SLC39A11: variants seen among roughly 807,000 people sequenced by gnomAD.
The protein encoded by SLC39A11 is zinc transporter ZIP11.
Under a neutral mutation model 36.1 loss-of-function variants are expected in SLC39A11, and 33 were observed. That is an observed-to-expected ratio of 0.91 (90% CI 0.69 to 1.22). The LOEUF (loss-of-function observed/expected upper bound fraction) is 1.22. SLC39A11 is among the 50% of genes most tolerant of loss of function. The pLI, the probability that SLC39A11 is intolerant of heterozygous loss-of-function variation, is 0.00. For missense variants in SLC39A11, 432 were observed against 430.3 expected (o/e 1.00, Z -0.03); for synonymous variants, 166 against 170.3 (o/e 0.97, Z 0.20).
At chr17:72,704,269 G>A (rs755899552) in intron 7 of SLC39A11, among the ~76,000 whole-genome samples, 1 of 152,188 alleles carries the variant, frequency 6.6e-6, no homozygotes, top group Non-Finnish European at 1.5e-5. Flanking sequence ...ACTGACAGAT[G>A]AGGAAACCAA....
chr17:73,045,550 G>T (rs896637946), intron 3 of SLC39A11, among the ~76,000 whole-genome samples: 15 of 152,084 alleles, frequency 9.9e-5, no homozygotes, highest in African/African-American at 3.4e-4. Flanking sequence ...CATTGGCAAT[G>T]ATCTCAGCTA....
chr17:72,677,854 T>C (rs1441424702), intron 7 of SLC39A11, among the ~76,000 whole-genome samples: 2 of 152,116 alleles, frequency 1.3e-5, no homozygotes, highest in Admixed American at 6.5e-5. Context: ...ATTTACACAA[T>C]GCGGGAGGGA....
chr17:72,846,084 C>A (rs78344400), intron 6 of SLC39A11, among the ~76,000 whole-genome samples: 4,980 of 127,254 alleles, frequency 0.039, 94 homozygotes, highest in Middle Eastern at 0.12. Context: ...GGCTGCAGTG[C>A]AGTAGCATGA....
At chr17:72,831,909 A>G (rs749527016) in intron 6 of SLC39A11, among the ~76,000 whole-genome samples, 4 of 152,194 alleles carry the variant, frequency 2.6e-5, no homozygotes, top group Non-Finnish European at 5.9e-5. Context: ...TGGGCTGCAA[A>G]GATTAATTGC....
rs2082982674 is a variant in SLC39A11, at chr17:72,911,345, A to G, written c.430+36407T>C. On this transcript the variant is annotated intron_variant, in intron 5 of 9. Coordinates refer to ENST00000255559, the MANE Select transcript of SLC39A11 (RefSeq NM_139177.4). ...GACGAGTTAATGGGTGCAGCACACCAACACGGCACATGTATACATATATAA... is the reference window on the plus strand; with the variant it reads ...GACGAGTTAATGGGTGCAGCACACCGACACGGCACATGTATACATATATAA... 2.6e-5 allele frequency among the ~76,000 whole-genome samples: 4 copies of G among 152,182 alleles called. No individual in the cohort carries two copies. In the South Asian group the frequency reaches 8.3e-4, roughly 32 times the overall value.
At chr17:72,711,077 A>G (rs1598412274) in intron 7 of SLC39A11, among the ~76,000 whole-genome samples, 1 of 152,226 alleles carries the variant, frequency 6.6e-6, no homozygotes, top group African/African-American at 2.4e-5. Flanking sequence ...GGTCCTGCCT[A>G]CCTTTGCAGC....
chr17:72,905,500 G>A (rs2082612456), intron 5 of SLC39A11, among the ~76,000 whole-genome samples: 1 of 151,662 alleles, frequency 6.6e-6, no homozygotes, highest in South Asian at 2.1e-4. Flanking sequence ...GGGAGGCTGA[G>A]GCAGAAGAAC....
intron 6 of SLC39A11, among the ~76,000 whole-genome samples, chr17:72,777,128 T>C (rs1055881814): frequency 1.3e-5 from 2 of 152,178 alleles, no homozygotes; most frequent in Admixed American, 6.5e-5. Context: ...CGGGCTTTAG[T>C]GTTTAATAAG....
In SLC39A11 at chr17:72,755,061, G is replaced by A. The variant is rs930942709; in HGVS notation, c.602-18342C>T. On this transcript the variant is annotated intron_variant, in intron 6 of 9. Coordinates refer to ENST00000255559, the MANE Select transcript of SLC39A11 (RefSeq NM_139177.4). ...CAATTAGGCAGGGCCAGTGTGTCAC[G>A]GGGACACTCCAGGACTGGTCTCTGA... 6.6e-3 allele frequency among the ~76,000 whole-genome samples: 4 copies of A among 604 alleles called. 1 individual carries two copies. Among genetic ancestry groups the A allele is most frequent in the South Asian group, 0.14 (2 of 14 alleles). 0.4% of individuals were successfully genotyped at this position (604 alleles called of 152,430 possible). A position where few individuals can be genotyped will look rare whatever the true frequency, so the allele number is the denominator to read the frequency against.
chr17:72,734,879 C>T (rs1014428078), intron 7 of SLC39A11, among the ~76,000 whole-genome samples: 24 of 152,196 alleles, frequency 1.6e-4, no homozygotes, highest in Admixed American at 1.1e-3. Flanking sequence ...TCTTCAGCCC[C>T]GTGGATACTG....
intron 6 of SLC39A11, among the ~76,000 whole-genome samples, chr17:72,783,876 C>T (rs1016794378): frequency 6.6e-6 from 1 of 152,182 alleles, no homozygotes; most frequent in African/African-American, 2.4e-5. Flanking sequence ...CCCCCTAGCA[C>T]ACCCTCAGCC....
chr17:73,054,286 C>T (rs187032211), intron 3 of SLC39A11, among the ~76,000 whole-genome samples: 24 of 149,788 alleles, frequency 1.6e-4, no homozygotes, highest in African/African-American at 5.6e-4. Context: ...CTCTTGAACC[C>T]GGGAGGCGGA....
chr17:72,908,681 G>T (rs2082798043), intron 5 of SLC39A11, among the ~76,000 whole-genome samples: 1 of 152,208 alleles, frequency 6.6e-6, no homozygotes, highest in African/African-American at 2.4e-5. Flanking sequence ...TGCTGTAGGG[G>T]TGATGCTAGG....
intron 6 of SLC39A11, among the ~76,000 whole-genome samples, chr17:72,802,966 T>C (rs1209388377): frequency 6.6e-6 from 1 of 152,184 alleles, no homozygotes; most frequent in Non-Finnish European, 1.5e-5. Context: ...AGCTAGCCTG[T>C]CCTATTGGAC....
At chr17:73,046,117 G>A (rs909750878) in intron 3 of SLC39A11, among the ~76,000 whole-genome samples, 3 of 152,148 alleles carry the variant, frequency 2.0e-5, no homozygotes, top group African/African-American at 7.2e-5. Context: ...TAAGAGAGGA[G>A]TTTCTCCCCC....
intron 7 of SLC39A11, among the ~76,000 whole-genome samples, chr17:72,659,406 T>C (rs892802713): frequency 4.6e-5 from 7 of 152,070 alleles, no homozygotes; most frequent in African/African-American, 1.4e-4. Flanking sequence ...GGGAAATGCA[T>C]TTCATCCAGA....
intron 6 of SLC39A11, among the ~76,000 whole-genome samples, chr17:72,749,875 A>T (rs1784848840): frequency 6.6e-6 from 1 of 152,152 alleles, no homozygotes; most frequent in African/African-American, 2.4e-5. Flanking sequence ...CTCCAGGCTC[A>T]GATTCGTAAA....
chr17:72,726,360 C>T (rs2073933005), intron 7 of SLC39A11, among the ~76,000 whole-genome samples: 1 of 152,176 alleles, frequency 6.6e-6, no homozygotes, highest in East Asian at 1.9e-4. Flanking sequence ...TGCAAGCATG[C>T]TTTCAATAAT....
intron 5 of SLC39A11, among the ~76,000 whole-genome samples, chr17:72,897,955 G>A (rs2082113370): frequency 6.6e-6 from 1 of 152,082 alleles, no homozygotes; most frequent in Non-Finnish European, 1.5e-5. Context: ...GGTACAGGAC[G>A]GCTGGGGGAA....
Sources: gnomAD v4.1 joint callset for allele counts (sites outside exome capture counted in the v4.1 genomes callset) on GRCh38, gnomAD v4.1.1 for gene constraint, MANE v1.5 for transcripts, NCBI Gene and HGNC (gene_info 2026-07-23, HGNC 2026-07-21) for gene names.